RGS6: variants seen among roughly 807,000 people sequenced by gnomAD.
RGS6 encodes the protein regulator of G-protein signaling 6.
In RGS6, 30 loss-of-function variants were observed where a neutral mutation model predicts 78.5. That is an observed-to-expected ratio of 0.38 (90% CI 0.29 to 0.52). RGS6 has a LOEUF of 0.52. RGS6 is among the 20% of genes least tolerant of loss of function. The pLI is 0.85. For synonymous variants in RGS6, 206 were observed against 206.0 expected, an observed-to-expected ratio of 1.00 and a Z score of 0.00; for missense variants, 495 against 609.7, an observed-to-expected ratio of 0.81 and a Z score of 1.98.
intron 3 of RGS6, among the ~76,000 whole-genome samples, chr14:72,437,385 G>A (rs12893452): frequency 6.8e-6 from 1 of 146,628 alleles, no homozygotes; most frequent in African/African-American, 2.5e-5. Flanking sequence ...TCACAACCTA[G>A]ATTCTGTAAG....
rs916240861 is a variant in RGS6, at chr14:72,563,897, G to GT, written c.*1431dup. ...TCCTTTGATCTATTTTTGGTCATAG[G>GT]TAAAAAAAAAAATCTCTCTTGGGAG... On this transcript the variant is annotated 3_prime_UTR_variant, in exon 18 of 18. Transcript: ENST00000553525. 4.7e-5 allele frequency: 7 copies of GT among 149,114 alleles called. No homozygotes were observed. Among genetic ancestry groups the GT allele is most frequent in the African/African-American group, 5.1e-5 (2 of 39,290 alleles). The allele number at this position is 149,114 out of a possible 1,614,324, so 9.2% of individuals were successfully genotyped here.
chr14:72,359,192 A>G (rs1596246263), intron 3 of RGS6, among the ~76,000 whole-genome samples: 1 of 152,064 alleles, frequency 6.6e-6, no homozygotes, highest in East Asian at 1.9e-4. Context: ...AGTTTCATGT[A>G]TGTCTTTATT....
At chr14:71,867,403 C>T in the RGS6 span, among the ~76,000 whole-genome samples, 1 of 150,786 alleles carries the variant, frequency 6.6e-6, no homozygotes, top group African/African-American at 2.5e-5. Context: ...CACCAAATCC[C>T]AGTACTCCTT....
At chr14:72,162,830 A>T (rs1340392454) in intron 2 of RGS6, among the ~76,000 whole-genome samples, 1 of 152,214 alleles carries the variant, frequency 6.6e-6, no homozygotes, top group Non-Finnish European at 1.5e-5. Flanking sequence ...ATACATATAC[A>T]TATGTGTGTA....
rs58303649 is a variant in RGS6, at chr14:72,323,800, C to CAAAAAAAAAAAAAAAA, written c.85-28269_85-28254dup. Among the ~76,000 whole-genome samples the CAAAAAAAAAAAAAAAA allele has an allele frequency of 4.8e-4, 8 of 16,820 alleles. 2 individuals are homozygous for CAAAAAAAAAAAAAAAA. The highest frequency in any genetic ancestry group is 8.5e-4 in the Non-Finnish European group (8 of 9,414). 11.0% of individuals were successfully genotyped at this position (16,820 alleles called of 152,430 possible). A position where few individuals can be genotyped will look rare whatever the true frequency, so the allele number is the denominator to read the frequency against. On this transcript the variant is annotated intron_variant, in intron 2 of 17. Transcript: ENST00000553525. ...TGGGTGACAGAGTGAGACTCCATCT[C>CAAAAAAAAAAAAAAAA]AAAAAAAAAAAAAAAAAAAAAAAAA...
At chr14:72,055,822 A>C (rs1395822334) in intron 2 of RGS6, among the ~76,000 whole-genome samples, 1 of 152,198 alleles carries the variant, frequency 6.6e-6, no homozygotes, top group African/African-American at 2.4e-5. Flanking sequence ...ATTTTGGAGA[A>C]TCCTCTTGCC....
chr14:72,188,449 G>A (rs962550734), intron 2 of RGS6, among the ~76,000 whole-genome samples: 3 of 151,488 alleles, frequency 2.0e-5, no homozygotes, highest in Non-Finnish European at 4.4e-5. Flanking sequence ...GTGCCTTACA[G>A]TGTGCCCCAT....
At chr14:72,060,857 T>G (rs1368789051) in intron 2 of RGS6, among the ~76,000 whole-genome samples, 1 of 152,228 alleles carries the variant, frequency 6.6e-6, no homozygotes, top group Non-Finnish European at 1.5e-5. Flanking sequence ...AACTTTCTCC[T>G]TCATTTCTTC....
chr14:71,871,162 T>G, the RGS6 span, among the ~76,000 whole-genome samples: 1 of 152,140 alleles, frequency 6.6e-6, no homozygotes, highest in East Asian at 1.9e-4. Context: ...AGGCTCTACC[T>G]GCTATTTGGG....
chr14:71,937,778 C>G (rs2089747105), intron 1 of RGS6, among the ~76,000 whole-genome samples: 1 of 152,206 alleles, frequency 6.6e-6, no homozygotes, highest in African/African-American at 2.4e-5. Flanking sequence ...AAACCCATAT[C>G]CGGAGTAAAT....
rs1457976507 is a variant in RGS6, at chr14:71,971,913, T to TG, written c.84+7038_84+7039insG. Among the ~76,000 whole-genome samples the TG allele has an allele frequency of 5.0e-3, 157 of 31,650 alleles. 1 individual carries two copies. The Middle Eastern group carries it at 0.061, about 12-fold the overall frequency. 20.8% of individuals were successfully genotyped at this position (31,650 alleles called of 152,430 possible). On this transcript the variant is annotated intron_variant, in intron 2 of 17. Transcript: ENST00000553525. Reference sequence around the variant, plus strand: ...CAGCTCATAATATGGCAGGTTTTTTTTTTTTTTTTTTTTTTTTTTTTATCA... The same window carrying TG: ...CAGCTCATAATATGGCAGGTTTTTTTGTTTTTTTTTTTTTTTTTTTTTATCA...
At chr14:72,396,333 CTTCTT>C (rs1202751679) in intron 3 of RGS6, among the ~76,000 whole-genome samples, 2 of 152,144 alleles carry the variant, frequency 1.3e-5, no homozygotes, top group African/African-American at 4.8e-5. Flanking sequence ...GCATAAATGT[CTTCTT>C]TTGAGAAGTG....
At chr14:72,371,943 G>A (rs1008233659) in intron 3 of RGS6, among the ~76,000 whole-genome samples, 68 of 152,226 alleles carry the variant, frequency 4.5e-4, no homozygotes, top group African/African-American at 1.5e-3. Flanking sequence ...CTGTATCATC[G>A]GTCGCAGCAT....
At chr14:72,024,999 A>G (rs1026097691) in intron 2 of RGS6, among the ~76,000 whole-genome samples, 2 of 152,172 alleles carry the variant, frequency 1.3e-5, no homozygotes, top group South Asian at 4.1e-4. Context: ...CCATAAACCT[A>G]ATTAAGGGTA....
chr14:71,961,832 T>C (rs1265927413), intron 1 of RGS6, among the ~76,000 whole-genome samples: 6 of 152,236 alleles, frequency 3.9e-5, no homozygotes, highest in Admixed American at 3.9e-4. Flanking sequence ...ATAAGTACAA[T>C]GAAGAACATT....
In RGS6 at chr14:72,562,848, G is replaced by T; in HGVS notation, c.*381G>T. ...CTCACTCCCTCGCTGTCTGGAGACG[G>T]TCACACCTTCTGGCAAATTCAAGAG... On this transcript the variant is annotated 3_prime_UTR_variant, in exon 18 of 18. Transcript: ENST00000553525. 1 of 1,216,644 alleles carries T rather than the reference G, an allele frequency of 8.2e-7. No individual in the cohort carries two copies. The highest frequency in any genetic ancestry group is 1.5e-5 in the African/African-American group (1 of 66,844). The allele number at this position is 1,216,644 out of a possible 1,614,324, so 75.4% of individuals were successfully genotyped here. A position where few individuals can be genotyped will look rare whatever the true frequency, so the allele number is the denominator to read the frequency against.
chr14:72,303,584 A>T (rs1251861015), intron 2 of RGS6, among the ~76,000 whole-genome samples: 1 of 152,198 alleles, frequency 6.6e-6, no homozygotes, highest in Non-Finnish European at 1.5e-5. Flanking sequence ...ACCTAATTCA[A>T]TAAAGGCATT....
At chr14:72,034,561 T>G (rs2091406185) in intron 2 of RGS6, among the ~76,000 whole-genome samples, 1 of 152,174 alleles carries the variant, frequency 6.6e-6, no homozygotes, top group African/African-American at 2.4e-5. Flanking sequence ...TGCTATTGAA[T>G]TTGGTTTGCT....
At chr14:72,256,373 T>C (rs560517445) in intron 2 of RGS6, among the ~76,000 whole-genome samples, 3 of 152,236 alleles carry the variant, frequency 2.0e-5, no homozygotes, top group African/African-American at 7.2e-5. Flanking sequence ...CTGAAAAATA[T>C]CTCAAAGACC....
Sources: gnomAD v4.1 joint callset for allele counts (sites outside exome capture counted in the v4.1 genomes callset) on GRCh38, gnomAD v4.1.1 for gene constraint, MANE v1.5 for transcripts, NCBI Gene and HGNC (gene_info 2026-07-23, HGNC 2026-07-21) for gene names.